The following SLC25A21 variants were observed in gnomAD, a reference collection of about 807,000 sequenced individuals.
SLC25A21 encodes the protein solute carrier family 25 member 21.
Under a neutral mutation model 43.8 loss-of-function variants are expected in SLC25A21, and 47 were observed. That is an observed-to-expected ratio of 1.07 (90% CI 0.85 to 1.37). SLC25A21 has a LOEUF of 1.37. SLC25A21 is among the 40% of genes most tolerant of loss of function. SLC25A21 has a pLI of 0.00. For missense variants in SLC25A21, 352 were observed against 350.2 expected, an observed-to-expected ratio of 1.00 and a Z score of -0.04; for synonymous variants, 131 against 121.3, an observed-to-expected ratio of 1.08 and a Z score of -0.52.
At chr14:36,786,352 T>A (rs1178497182) in intron 3 of SLC25A21, among the ~76,000 whole-genome samples, 1 of 152,226 alleles carries the variant, frequency 6.6e-6, no homozygotes, top group Non-Finnish European at 1.5e-5. Context: ...TAAAAAACAT[T>A]TGAATATTTG....
chr14:37,027,325 T>C (rs1048552976), intron 1 of SLC25A21, among the ~76,000 whole-genome samples: 1 of 152,218 alleles, frequency 6.6e-6, no homozygotes, highest in Admixed American at 6.5e-5. Flanking sequence ...TTCATTTCCC[T>C]AGTTTCCAAG....
chr14:36,741,696 C>T (rs1464640638), intron 3 of SLC25A21, among the ~76,000 whole-genome samples: 2 of 152,220 alleles, frequency 1.3e-5, no homozygotes, highest in Non-Finnish European at 2.9e-5. Flanking sequence ...AACACACTCA[C>T]ACACAGCATG....
At chr14:37,024,288 A>T (rs1300537928) in intron 1 of SLC25A21, among the ~76,000 whole-genome samples, 1 of 152,028 alleles carries the variant, frequency 6.6e-6, no homozygotes, top group Non-Finnish European at 1.5e-5. Context: ...CACCTCTTAC[A>T]CACAGGACAA....
chr14:36,766,467 C>T (rs1429009113), intron 3 of SLC25A21, among the ~76,000 whole-genome samples: 1 of 152,128 alleles, frequency 6.6e-6, no homozygotes, highest in Non-Finnish European at 1.5e-5. Context: ...TGCTCAAATG[C>T]CTTTGATGGC....
intron 7 of SLC25A21, among the ~76,000 whole-genome samples, chr14:36,693,529 T>C (rs1882883271): frequency 6.6e-6 from 1 of 152,234 alleles, no homozygotes; most frequent in African/African-American, 2.4e-5. Context: ...TTTAGACAAC[T>C]ATACAAGTTT....
At chr14:37,096,383 T>C (rs908294680) in intron 1 of SLC25A21, among the ~76,000 whole-genome samples, 15 of 152,216 alleles carry the variant, frequency 9.9e-5, no homozygotes, top group African/African-American at 3.4e-4. Flanking sequence ...TTTTACTTTC[T>C]TGGACCTGGA....
chr14:36,724,632 T>C (rs1301353805), intron 6 of SLC25A21, among the ~76,000 whole-genome samples: 1 of 152,250 alleles, frequency 6.6e-6, no homozygotes, highest in Non-Finnish European at 1.5e-5. Context: ...GATTTGGCAG[T>C]TGAAAGGGAA....
intron 2 of SLC25A21, 92 bp downstream of exon 2, chr14:36,874,864 G>A (rs78302587): frequency 0.018 from 17,317 of 974,982 alleles, 640 homozygotes; most frequent in East Asian, 0.11. Flanking sequence ...AGAAGCTACC[G>A]GCCTGGGACA....
At chr14:36,707,014 T>C (rs79351667) in intron 7 of SLC25A21, among the ~76,000 whole-genome samples, 168 of 152,350 alleles carry the variant, frequency 1.1e-3, no homozygotes, top group African/African-American at 3.9e-3. Context: ...CAGTATGATC[T>C]GATCCCCTTG....
At chr14:37,166,464 T>A (rs761391624) in intron 1 of SLC25A21, among the ~76,000 whole-genome samples, 12 of 152,232 alleles carry the variant, frequency 7.9e-5, no homozygotes, top group Non-Finnish European at 1.5e-4. Context: ...TGCATGTATG[T>A]GCAACTATGG....
intron 3 of SLC25A21, among the ~76,000 whole-genome samples, chr14:36,738,870 C>T (rs1293330938): frequency 6.6e-6 from 1 of 152,128 alleles, no homozygotes; most frequent in Non-Finnish European, 1.5e-5. Flanking sequence ...TATGTAATAG[C>T]TTTTGTGTTA....
intron 1 of SLC25A21, among the ~76,000 whole-genome samples, chr14:37,008,800 T>C (rs1960666042): frequency 6.6e-6 from 1 of 152,190 alleles, no homozygotes; most frequent in South Asian, 2.1e-4. Context: ...GATCTTATAG[T>C]GAAGTTAAAT....
At chr14:36,887,956 C>T (rs1247572741) in intron 1 of SLC25A21, among the ~76,000 whole-genome samples, 4 of 152,154 alleles carry the variant, frequency 2.6e-5, no homozygotes, top group African/African-American at 9.7e-5. Flanking sequence ...CTGAAGCTGA[C>T]TCTCACAGGC....
intron 1 of SLC25A21, among the ~76,000 whole-genome samples, chr14:36,893,188 C>G (rs1891130070): frequency 6.6e-6 from 1 of 152,182 alleles, no homozygotes; most frequent in Non-Finnish European, 1.5e-5. Flanking sequence ...GTTCCTATTT[C>G]TCCACATCCT....
At chr14:36,969,601 G>A (rs79042614) in intron 1 of SLC25A21, among the ~76,000 whole-genome samples, 5,982 of 151,338 alleles carry the variant, frequency 0.04, 260 homozygotes, top group East Asian at 0.15. Context: ...TGATCCTCCC[G>A]CCTCAGCCTG....
chr14:37,017,191 C>T (rs531332132), intron 1 of SLC25A21, among the ~76,000 whole-genome samples: 1 of 152,160 alleles, frequency 6.6e-6, no homozygotes, highest in East Asian at 1.9e-4. Context: ...GTCTTCCTCA[C>T]TAAGCTTAAT....
intron 1 of SLC25A21, among the ~76,000 whole-genome samples, chr14:36,983,241 A>T (rs1026449162): frequency 1.3e-5 from 2 of 152,192 alleles, no homozygotes; most frequent in African/African-American, 2.4e-5. Context: ...TCCTGGGTTC[A>T]CTCTCAGAGC....
At chr14:36,891,988 C>A in intron 1 of SLC25A21, among the ~76,000 whole-genome samples, 1 of 152,088 alleles carries the variant, frequency 6.6e-6, no homozygotes, top group Non-Finnish European at 1.5e-5. Flanking sequence ...TTCCTTAAGC[C>A]ACTATATTGT....
chr14:36,846,875 C>T (rs1262510695), intron 2 of SLC25A21, among the ~76,000 whole-genome samples: 11 of 152,246 alleles, frequency 7.2e-5, no homozygotes, highest in Admixed American at 2.6e-4. Context: ...ATAATGTACA[C>T]GGGTCTTAGT....
Sources: gnomAD v4.1 joint callset for allele counts (sites outside exome capture counted in the v4.1 genomes callset) on GRCh38, gnomAD v4.1.1 for gene constraint, MANE v1.5 for transcripts, NCBI Gene and HGNC (gene_info 2026-07-23, HGNC 2026-07-21) for gene names.